The following CRAT variants were observed in gnomAD, a reference collection of about 807,000 sequenced individuals.
The protein encoded by CRAT is carnitine O-acetyltransferase.
In CRAT, 66 loss-of-function variants were observed where a neutral mutation model predicts 73.7. That is an observed-to-expected ratio of 0.90 (90% CI 0.73 to 1.10). The LOEUF is 1.10. CRAT is among the 50% of genes least tolerant of loss of function. The pLI is 0.00. For synonymous variants in CRAT, 321 were observed against 343.2 expected (o/e 0.94, Z 0.71); for missense variants, 745 against 846.9 (o/e 0.88, Z 1.49).
chr9:129,095,442 C>G lies in CRAT; in HGVS notation c.1836G>C (p.Leu612=). ...GGCTCTGCAGCAGGGCACGCATGTC[C>G]AGGAGCGCCTTCTCCAGGTAATGCG... is the stretch of plus-strand genomic sequence containing the variant. ...RLAHYLEKAL[L]DMRALLQSHP... is the part of the protein sequence containing the mutation. Residue 612 remains leucine, a synonymous_variant, in exon 14 of 14, where the codon CTG becomes CTC. Transcript: ENST00000318080. The G allele has an allele frequency of 6.2e-7, 1 of 1,613,132 alleles. No homozygotes were observed. Among genetic ancestry groups the G allele is most frequent in the Non-Finnish European group, 8.5e-7 (1 of 1,180,006 alleles).
At position 129,098,096 on chromosome 9, in the gene CRAT, G is replaced by A; in HGVS notation, c.1381C>T (p.His461Tyr). Residue 461 changes from histidine (H) to tyrosine (Y), a missense_variant, in exon 11 of 14, where the codon CAC becomes TAC. His to Tyr is a moderately conservative substitution (Grantham distance 83, BLOSUM62 2). Coordinates refer to ENST00000318080, the MANE Select transcript of CRAT (RefSeq NM_000755.5). The stretch of plus-strand genomic sequence containing the variant: ...CGGATGGTGTCGGTGCGGCCCAGGT[G>A]AAACATGCGCAGGGAGGCACTTTCA... ...TYESASLRMF[H>Y]LGRTDTIRSA... 2 of 1,614,048 alleles carry A rather than the reference G, an allele frequency of 1.2e-6. No individual in the cohort carries two copies. The highest frequency in any genetic ancestry group is 1.7e-6 in the Non-Finnish European group (2 of 1,180,044).
chr9:129,097,748 C>A, intron 11 of CRAT: 3 of 481,644 alleles, frequency 6.2e-6, no homozygotes, highest in African/African-American at 1.9e-5. Context: ...ATTGCAACTA[C>A]CAACTCCTTG....
chr9:129,110,740 T>G lies in CRAT; in HGVS notation c.-231A>C. 1 of 583,666 alleles carries G rather than the reference T, an allele frequency of 1.7e-6. No homozygotes were observed. The highest frequency in any genetic ancestry group is 2.8e-6 in the Non-Finnish European group (1 of 359,616). 36.2% of individuals were successfully genotyped at this position (583,666 alleles called of 1,614,324 possible). A position where few individuals can be genotyped will look rare whatever the true frequency, so the allele number is the denominator to read the frequency against. On this transcript the variant is annotated 5_prime_UTR_variant, in exon 1 of 14. Transcript: ENST00000318080. This position sits in a 1 kb window ranked among gnomAD's most constrained non-coding sequence, Gnocchi z 5.3. ...ACTCGCGAGGCGGGGCCTGGGCCGG[T>G]AGCGGGCCCCGGGCGGGCAACGGTG...
At chr9:129,104,379 A>G in intron 2 of CRAT, 73 bp from the exon 3 acceptor site, 6 of 1,238,412 alleles carry the variant, frequency 4.8e-6, no homozygotes, top group African/African-American at 1.5e-5. Flanking sequence ...GGGCTAGGGG[A>G]CCTGGCTGGC....
At position 129,100,223 on chromosome 9, in the gene CRAT, G is replaced by A. The variant is rs1847574859; in HGVS notation, c.985-257C>T. 6.8e-6 allele frequency: 4 copies of A among 584,436 alleles called. No individual in the cohort carries two copies. In the East Asian group the frequency reaches 1.1e-4, roughly 16 times the overall value. The allele number at this position is 584,436 out of a possible 1,614,324, so 36.2% of individuals were successfully genotyped here. ...GACCATCACCCCATTTTACAGGTGTGGAGAGGGACTGTTGTGCCAGGATTG... is the reference window on the plus strand; with the variant it reads ...GACCATCACCCCATTTTACAGGTGTAGAGAGGGACTGTTGTGCCAGGATTG... On this transcript the variant is annotated intron_variant, in intron 7 of 13. Coordinates refer to ENST00000318080, the MANE Select transcript of CRAT (RefSeq NM_000755.5).
In CRAT at chr9:129,107,834, C is replaced by A. The variant is rs1384824473; in HGVS notation, c.271G>T (p.Ala91Ser). ...ERLQKGLERR[A>S]RKTENWLSEW... Reference sequence around the variant, plus strand: ...CTCACCCAGTTCTCCGTCTTCCTGGCCCGACGCTCCAGCCCCTTCTGCAGG... The same window carrying A: ...CTCACCCAGTTCTCCGTCTTCCTGGACCGACGCTCCAGCCCCTTCTGCAGG... The change falls in exon 2 of 14, where the codon GCC becomes TCC. Residue 91 changes from alanine (A) to serine (S), a missense_variant. Physicochemically the swap from Ala to Ser is moderately conservative, Grantham distance 99. Transcript: ENST00000318080. This position sits in a 1 kb window ranked among gnomAD's most constrained non-coding sequence, Gnocchi z 5.0. The A allele has an allele frequency of 1.2e-6, 2 of 1,612,930 alleles. No homozygotes were observed. Among genetic ancestry groups the A allele is most frequent in the South Asian group, 2.2e-5 (2 of 91,082 alleles).
rs1314464279 is a variant in CRAT at position 129,099,919 on chromosome 9, A to T, written c.1032T>A (p.Ala344=). 1 of 1,612,494 alleles carries T rather than the reference A, an allele frequency of 6.2e-7. No individual in the cohort carries two copies. Among genetic ancestry groups the T allele is most frequent in the East Asian group, 2.2e-5 (1 of 44,836 alleles). The change falls in exon 8 of 14, where the codon GCT becomes GCA. Residue 344 remains alanine (A), a synonymous_variant. Coordinates refer to ENST00000318080, the MANE Select transcript of CRAT (RefSeq NM_000755.5). ...TGACAATAGGGGGCCCCTCCGCTGC[A>T]GCATGCTCGTACACAAGCCCACAGG... ...DGSCGLVYEH[A]AAEGPPIVTL...
At chr9:129,108,102 C>A in intron 1 of CRAT, 25 bp from the exon 2 acceptor site, 1 of 1,500,940 alleles carries the variant, frequency 6.7e-7, no homozygotes, top group South Asian at 1.3e-5. Flanking sequence ...ACATCCTGTT[C>A]ATTCCCTCCC....
chr9:129,102,023 G>A lies in CRAT; in HGVS notation c.665C>T (p.Thr222Ile). 6.2e-7 allele frequency: 1 copy of A among 1,614,176 alleles called. No individual in the cohort carries two copies. Among genetic ancestry groups the A allele is most frequent in the Non-Finnish European group, 8.5e-7 (1 of 1,180,010 alleles). ...FELDVYHSDG[T>I]PLTADQIFVQ... ...AAAGATCTGATCCGCAGTGAGGGGT[G>A]TCCCGTCACTGTGGTACACATCCAG... Residue 222 changes from threonine to isoleucine, a missense_variant, in exon 6 of 14, where the codon ACA (threonine) becomes ATA (isoleucine). Thr to Ile is a moderately conservative substitution (Grantham distance 89, BLOSUM62 -1). Coordinates refer to ENST00000318080, the MANE Select transcript of CRAT (RefSeq NM_000755.5).
At chr9:129,098,755 G>A (rs1280746383) in intron 8 of CRAT, 105 bp from the exon 9 acceptor site, 2 of 1,365,598 alleles carry the variant, frequency 1.5e-6, no homozygotes, top group Non-Finnish European at 2.0e-6. Context: ...GAGGGGGCCA[G>A]CCCAGGGAGG....
At chr9:129,098,725 A>G in intron 8 of CRAT, 75 bp from the exon 9 acceptor site, 1 of 1,516,114 alleles carries the variant, frequency 6.6e-7, no homozygotes, top group Non-Finnish European at 8.8e-7. Flanking sequence ...CAGGGTGGGG[A>G]GGATGGGTAC....
At chr9:129,095,730 TC>T (rs1847243330) in intron 13 of CRAT, 118 bp from the exon 14 acceptor site, 3 of 1,077,716 alleles carry the variant, frequency 2.8e-6, no homozygotes, top group East Asian at 5.2e-5. Context: ...TCATGGTCTG[TC>T]CCCTGCTATA....
chr9:129,102,909 A>C, intron 4 of CRAT, 104 bp downstream of exon 4: 1 of 1,092,076 alleles, frequency 9.2e-7, no homozygotes, highest in Non-Finnish European at 1.4e-6. Flanking sequence ...AGCAGGGCCC[A>C]GGGCCCAAGC....
Position 129,110,494 on chromosome 9 carries a change from C to T in CRAT, c.16G>A (p.Ala6Thr). The change falls in exon 1 of 14, where the codon GCC becomes ACC. Residue 6 changes from alanine to threonine, a missense_variant. Coordinates refer to ENST00000318080, the MANE Select transcript of CRAT (RefSeq NM_000755.5). This position sits in a 1 kb window ranked among gnomAD's most constrained non-coding sequence, Gnocchi z 5.3. MLAFA[A>T]RTVVKPLGFL... ...TCCGCCGCACTCACCACGGTCCTGG[C>T]AGCGAAGGCTAACATCTTCGCTGCC... The T allele has an allele frequency of 1.3e-6, 2 of 1,582,804 alleles. No individual in the cohort carries two copies. Among genetic ancestry groups the T allele is most frequent in the Non-Finnish European group, 8.5e-7 (1 of 1,171,004 alleles).
In CRAT at chr9:129,102,502, G is replaced by T. The variant is rs774099480; in HGVS notation, c.528C>A (p.Ile176=). Residue 176 remains isoleucine, a synonymous_variant, in exon 5 of 14, where the codon ATC becomes ATA. Transcript: ENST00000318080. The part of the protein sequence containing the change: ...KPLCMNQYYQ[I]LSSCRVPGPK... ...GGCCCGGCACTCGGCAGGAGGACAA[G>T]ATCTGATAGTACTGGTTCATGCACA... The T allele has an allele frequency of 1.2e-6, 2 of 1,614,062 alleles. No individual in the cohort carries two copies. Among genetic ancestry groups the T allele is most frequent in the African/African-American group, 1.3e-5 (1 of 74,912 alleles).
Position 129,098,627 on chromosome 9 carries a change from G to A in CRAT, c.1109C>T (p.Ser370Phe). The change falls in exon 9 of 14, where the codon TCT becomes TTT. Residue 370 changes from serine (S) to phenylalanine (F), a missense_variant. Physicochemically the swap from Ser to Phe is radical, Grantham distance 155. Transcript: ENST00000318080. ...EYTKKPELVR[S>F]PLVPLPMPKK... is the part of the protein sequence containing the mutation. ...GGGCATGGGCAGGGGCACCAGGGGA[G>A]ACCGCACAAGCTCGGGTTTCTTCCT... 6.2e-7 allele frequency: 1 copy of A among 1,601,858 alleles called. No homozygotes were observed. The highest frequency in any genetic ancestry group is 1.4e-5 in the African/African-American group (1 of 73,788).
In CRAT at chr9:129,098,339, A is replaced by G; in HGVS notation, c.1238T>C (p.Val413Ala). ...GAAGTCTTTTCCAAAATGGTGGAAC[A>G]CCATCACGGTGATATCCAGGTCCTG... is the stretch of plus-strand genomic sequence containing the variant. Reference protein sequence around the residue: ...MIQDLDITVMVFHHFGKDFPK... With the variant: ...MIQDLDITVMAFHHFGKDFPK... Residue 413 changes from valine to alanine, a missense_variant, in exon 10 of 14, where the codon GTG (valine) becomes GCG (alanine). Val to Ala is a moderately conservative substitution (Grantham distance 64). Transcript: ENST00000318080. 1 of 1,613,942 alleles carries G rather than the reference A, an allele frequency of 6.2e-7. No homozygotes were observed. Among genetic ancestry groups the G allele is most frequent in the Non-Finnish European group, 8.5e-7 (1 of 1,180,032 alleles).
rs947915955 is a variant in CRAT at position 129,110,203 on chromosome 9, C to G, written c.27+280G>C. On this transcript the variant is annotated intron_variant, in intron 1 of 13. Coordinates refer to ENST00000318080, the MANE Select transcript of CRAT (RefSeq NM_000755.5). This position sits in a 1 kb window ranked among gnomAD's most constrained non-coding sequence, Gnocchi z 5.3. Reference sequence around the variant, plus strand: ...TGGTCTCTCTCCCCTACCGGCCTGTCTCTGGGTCTAAGGGTGGGGGTGCTA... The same window carrying G: ...TGGTCTCTCTCCCCTACCGGCCTGTGTCTGGGTCTAAGGGTGGGGGTGCTA... Among the ~76,000 whole-genome samples, 6 of 151,986 alleles carry G rather than the reference C, an allele frequency of 3.9e-5. No individual in the cohort carries two copies. The highest frequency in any genetic ancestry group is 1.5e-4 in the African/African-American group (6 of 41,268).
chr9:129,102,418 G>A lies in CRAT; in HGVS notation c.612C>T (p.Thr204=), dbSNP rs144494071. Residue 204 remains threonine (T), a synonymous_variant, in exon 5 of 14, where the codon ACC becomes ACT. Coordinates refer to ENST00000318080, the MANE Select transcript of CRAT (RefSeq NM_000755.5). ...CACCCACCTGGTAGTTGTGTACCAC[G>A]GTGATGTGCGTGGGAGGCTTCTTGG... is the stretch of plus-strand genomic sequence containing the variant. ...SKTKKPPTHI[T]VVHNYQFFEL... is the part of the protein sequence containing the mutation. 1.7e-4 allele frequency: 277 copies of A among 1,614,182 alleles called. No individual in the cohort carries two copies. The highest frequency in any genetic ancestry group is 1.3e-3 in the African/African-American group (95 of 75,066).
Sources: allele counts gnomAD v4.1 joint callset (sites outside exome capture counted in the v4.1 genomes callset), GRCh38; gene constraint gnomAD v4.1.1; non-coding constraint Gnocchi (gnomAD v3.1); transcripts MANE v1.5; gene names NCBI Gene and HGNC (gene_info 2026-07-23, HGNC 2026-07-21).